Variants in FOXN3 observed in about 807,000 individuals in gnomAD.
FOXN3 encodes forkhead box N3.
FOXN3 carries 7 observed loss-of-function variants against 38.4 expected under a neutral mutation model. That is an observed-to-expected ratio of 0.18 (90% CI 0.10 to 0.34). The LOEUF is 0.34. Ranked by LOEUF, FOXN3 falls within the 10% of genes least tolerant of loss-of-function variation. The pLI is 1.00. For synonymous variants in FOXN3, 230 were observed against 242.2 expected (o/e 0.95, Z 0.47); for missense variants, 456 against 613.4 (o/e 0.74, Z 2.71).
intron 1 of FOXN3, among the ~76,000 whole-genome samples, chr14:89,464,023 A>AGTGAATTTTGAATTT (rs1566664828): frequency 1.3e-5 from 2 of 152,088 alleles, no homozygotes; most frequent in African/African-American, 4.8e-5. Context: ...ACCTCAGGTG[A>AGTGAATTTTGAATTT]TCCACATGCC....
intron 1 of FOXN3, among the ~76,000 whole-genome samples, chr14:89,427,505 G>C (rs1005364712): frequency 7.0e-5 from 10 of 142,562 alleles, no homozygotes; most frequent in African/African-American, 2.3e-4. Flanking sequence ...TCTTAGTAGA[G>C]ATGGGGTTTC....
At chr14:89,174,188 G>A (rs1887460600) in intron 5 of FOXN3, among the ~76,000 whole-genome samples, 1 of 152,112 alleles carries the variant, frequency 6.6e-6, no homozygotes, top group South Asian at 2.1e-4. Flanking sequence ...GATTTAACTT[G>A]TTAATTTACA....
intron 1 of FOXN3, among the ~76,000 whole-genome samples, chr14:89,505,449 A>ATT (rs1323910400): frequency 6.6e-6 from 1 of 151,806 alleles, no homozygotes; most frequent in Non-Finnish European, 1.5e-5. Flanking sequence ...TGGTTTTCGT[A>ATT]TTTTTTTGGT....
chr14:89,212,974 C>T (rs1050691306), intron 4 of FOXN3, among the ~76,000 whole-genome samples: 3 of 152,164 alleles, frequency 2.0e-5, no homozygotes, highest in Admixed American at 6.5e-5. Flanking sequence ...CAAAGGCAGA[C>T]CAGGCCTCTG....
chr14:89,547,406 C>T (rs1050025301), intron 1 of FOXN3, among the ~76,000 whole-genome samples: 12 of 152,118 alleles, frequency 7.9e-5, no homozygotes, highest in African/African-American at 2.9e-4. Context: ...AGGCACGTGC[C>T]ACCATGCGTG....
chr14:89,578,630 C>G (rs145799388), intron 1 of FOXN3, among the ~76,000 whole-genome samples: 3 of 152,280 alleles, frequency 2.0e-5, no homozygotes, highest in East Asian at 3.9e-4. Context: ...TTCCAAAATT[C>G]TAAAATAATC....
chr14:89,545,391 C>G (rs1271984768), intron 1 of FOXN3, among the ~76,000 whole-genome samples: 1 of 152,236 alleles, frequency 6.6e-6, no homozygotes, highest in African/African-American at 2.4e-5. Flanking sequence ...GCCCACATGT[C>G]TAAGAGTGTC....
At chr14:89,427,779 T>C (rs998561735) in intron 1 of FOXN3, among the ~76,000 whole-genome samples, 4 of 152,120 alleles carry the variant, frequency 2.6e-5, no homozygotes, top group African/African-American at 4.8e-5. Flanking sequence ...GGCAAGGGAC[T>C]CTGTTTTCTC....
chr14:89,402,070 A>C (rs916118480), intron 2 of FOXN3, among the ~76,000 whole-genome samples: 2 of 152,224 alleles, frequency 1.3e-5, no homozygotes, highest in African/African-American at 4.8e-5. Flanking sequence ...CAATCCATCA[A>C]GTTATTACTA....
At chr14:89,472,368 G>T (rs535190592) in intron 1 of FOXN3, among the ~76,000 whole-genome samples, 2 of 151,970 alleles carry the variant, frequency 1.3e-5, no homozygotes, top group Non-Finnish European at 2.9e-5. Context: ...CAACTCAGCC[G>T]CCCAGAAGTG....
rs781430612 is a variant in FOXN3, at chr14:89,412,473, C to T, written c.4G>A (p.Gly2Ser). Residue 2 changes from glycine (G) to serine (S), a missense_variant, in exon 2 of 6, where the codon GGT becomes AGT. Physicochemically the swap from Gly to Ser is moderately conservative, Grantham distance 56 (BLOSUM62 0). Transcript: ENST00000557258. The surrounding 1 kb of genome is among the most constrained non-coding windows in gnomAD (Gnocchi z 4.7). ...TTCTTACTGGGAGGCATGACTGGACCCATTTACGTGAAGGCTCCTAGTAAA... is the reference window on the plus strand; with the variant it reads ...TTCTTACTGGGAGGCATGACTGGACTCATTTACGTGAAGGCTCCTAGTAAA... MGPVMPPSKKPE... is the reference protein window; with the variant it reads MSPVMPPSKKPE... 3.8e-6 allele frequency: 6 copies of T among 1,595,806 alleles called. No homozygotes were observed. The highest frequency in any genetic ancestry group is 1.7e-5 in the Admixed American group (1 of 57,252).
chr14:89,225,256 G>A (rs936331201), intron 4 of FOXN3, among the ~76,000 whole-genome samples: 5 of 152,072 alleles, frequency 3.3e-5, no homozygotes, highest in African/African-American at 1.2e-4. Context: ...AGTGAGATGC[G>A]ATCACGTCAC....
At chr14:89,345,669 C>A (rs928158653) in intron 3 of FOXN3, among the ~76,000 whole-genome samples, 5 of 152,142 alleles carry the variant, frequency 3.3e-5, no homozygotes, top group Non-Finnish European at 7.3e-5. Flanking sequence ...TTATATCATT[C>A]TCATGCCTTT....
At position 89,159,165 on chromosome 14, in the gene FOXN3, G is replaced by A. The variant is rs1887042777; in HGVS notation, c.*3249C>T. On this transcript the variant is annotated 3_prime_UTR_variant, in exon 6 of 6. Transcript: ENST00000557258. The stretch of plus-strand genomic sequence containing the variant: ...AAGAGAGGGTGCCTCCTGCCCCTTG[G>A]CTTGTTAAGGACACGGACAACCTCA... 1 of 152,604 alleles carries A rather than the reference G, an allele frequency of 6.6e-6. No individual in the cohort carries two copies. The highest frequency in any genetic ancestry group is 6.5e-5 in the Admixed American group (1 of 15,276). 9.5% of individuals were successfully genotyped at this position (152,604 alleles called of 1,614,324 possible).
intron 3 of FOXN3, among the ~76,000 whole-genome samples, chr14:89,341,086 C>T (rs1313578624): frequency 1.3e-5 from 2 of 152,098 alleles, no homozygotes; most frequent in Non-Finnish European, 2.9e-5. Context: ...GAGCTGGAAG[C>T]GATAACCCTG....
intron 1 of FOXN3, among the ~76,000 whole-genome samples, chr14:89,470,469 T>C (rs1185947915): frequency 2.0e-5 from 3 of 152,192 alleles, no homozygotes; most frequent in Non-Finnish European, 2.9e-5. Flanking sequence ...TTCTCATCTA[T>C]GAAAGAGGAT....
intron 1 of FOXN3, among the ~76,000 whole-genome samples, chr14:89,550,921 G>C (rs1410586873): frequency 6.6e-6 from 1 of 152,184 alleles, no homozygotes; most frequent in Non-Finnish European, 1.5e-5. Flanking sequence ...AGGCAAACTA[G>C]AGCCTCTGCA....
At chr14:89,207,119 G>A (rs1451326107) in intron 4 of FOXN3, among the ~76,000 whole-genome samples, 2 of 152,136 alleles carry the variant, frequency 1.3e-5, no homozygotes, top group Non-Finnish European at 2.9e-5. Context: ...TACTTGGGAG[G>A]CTGAGGCAGC....
intron 1 of FOXN3, among the ~76,000 whole-genome samples, chr14:89,515,690 C>T (rs529118712): frequency 1.1e-4 from 17 of 152,136 alleles, no homozygotes; most frequent in Admixed American, 2.6e-4. Context: ...GAGCCGGGAC[C>T]GTGCCACTGT....
Sources: gnomAD v4.1 joint callset for allele counts (sites outside exome capture counted in the v4.1 genomes callset) on GRCh38, gnomAD v4.1.1 for gene constraint, Gnocchi (gnomAD v3.1) non-coding constraint, MANE v1.5 for transcripts, NCBI Gene and HGNC (gene_info 2026-07-23, HGNC 2026-07-21) for gene names.